Variants in TRPM6 observed in about 807,000 individuals in gnomAD.
The protein encoded by TRPM6 is transient receptor potential cation channel subfamily M member 6.
A neutral mutation model predicts 247.6 loss-of-function variants in TRPM6; 111 were observed. That is an observed-to-expected ratio of 0.45 (90% CI 0.38 to 0.52). The LOEUF is 0.52. Ranked by LOEUF, TRPM6 falls within the 20% of genes least tolerant of loss-of-function variation. The probability of loss-of-function intolerance (pLI) is 0.00; values close to 1 mark genes in which losing one functional copy is unlikely to be tolerated. For missense variants in TRPM6, 2,126 were observed against 2,421.5 expected (o/e 0.88, Z 2.56); for synonymous variants, 892 against 853.8 (o/e 1.04, Z -0.78).
intron 3 of TRPM6, among the ~76,000 whole-genome samples, chr9:74,850,090 G>A (rs1273792712): frequency 1.3e-5 from 2 of 152,226 alleles, no homozygotes; most frequent in African/African-American, 2.4e-5. Flanking sequence ...ACTAGAACAG[G>A]GCTGGGCGCA....
At chr9:74,729,878 C>T (rs532154388) in intron 37 of TRPM6, among the ~76,000 whole-genome samples, 2 of 152,266 alleles carry the variant, frequency 1.3e-5, no homozygotes, top group African/African-American at 4.8e-5. Flanking sequence ...AACATAAAAA[C>T]CCCCAACTTA....
intron 31 of TRPM6, among the ~76,000 whole-genome samples, chr9:74,747,523 C>T (rs1826090702): frequency 1.3e-5 from 2 of 152,136 alleles, no homozygotes; most frequent in Admixed American, 1.3e-4. Flanking sequence ...TACTAAAACC[C>T]TACAGGAAAA....
chr9:74,729,507 C>A (rs1422460051), intron 37 of TRPM6, among the ~76,000 whole-genome samples: 8 of 152,170 alleles, frequency 5.3e-5, no homozygotes, highest in Non-Finnish European at 1.0e-4. Context: ...TGGAGGAAAT[C>A]TCTTGGGAAG....
chr9:74,831,359 G>A (rs540782943), intron 6 of TRPM6, among the ~76,000 whole-genome samples: 6 of 152,184 alleles, frequency 3.9e-5, no homozygotes, highest in East Asian at 1.9e-4. Context: ...GTGTGGTAGC[G>A]GGTGCCTGTT....
rs1347240649 is a variant in TRPM6 at position 74,762,210 on chromosome 9, A to G, written c.4461T>C (p.Ser1487=). The G allele has an allele frequency of 2.5e-6, 4 of 1,614,020 alleles. No homozygotes were observed. The highest frequency in any genetic ancestry group is 3.4e-6 in the Non-Finnish European group (4 of 1,180,000). Residue 1487 remains serine, a synonymous_variant, in exon 26 of 39, where the codon AGT becomes AGC. Transcript: ENST00000360774. ...CCTGGGCCTGCTTCTGGTGCTGTTC[A>G]CTCCGAGAGGAATCACTGTCACAAG... ...PSTCDSDSSR[S]EQHQKQAQDS... is the part of the protein sequence containing the mutation.
intron 7 of TRPM6, among the ~76,000 whole-genome samples, chr9:74,826,530 C>T (rs144430443): frequency 7.2e-5 from 11 of 152,194 alleles, no homozygotes; most frequent in Non-Finnish European, 1.0e-4. Flanking sequence ...AACCAAAAGT[C>T]TACAGTTTTC....
chr9:74,814,749 G>A (rs1185580078), intron 11 of TRPM6, among the ~76,000 whole-genome samples: 2 of 152,062 alleles, frequency 1.3e-5, no homozygotes, highest in Non-Finnish European at 2.9e-5. Flanking sequence ...CTAGGAGTTC[G>A]ACCAGCCTAG....
Position 74,801,275 on chromosome 9 carries a change from T to TTTTTTA in TRPM6, c.2009+622_2009+623insTAAAAA, listed in dbSNP as rs1491404272. 2.0e-3 allele frequency among the ~76,000 whole-genome samples: 155 copies of TTTTTTA among 75,840 alleles called. 2 individuals are homozygous for TTTTTTA. The highest frequency in any genetic ancestry group is 9.5e-3 in the African/African-American group (151 of 15,842). 49.8% of individuals were successfully genotyped at this position (75,840 alleles called of 152,430 possible). A position where few individuals can be genotyped will look rare whatever the true frequency, so the allele number is the denominator to read the frequency against. The stretch of plus-strand genomic sequence containing the variant: ...TTTTTTTTTTTTTTTTTTTTTTTTT[T>TTTTTTA]ATTGACGGAGTCTCACTCTGTCGCC... On this transcript the variant is annotated intron_variant, in intron 16 of 38. Transcript: ENST00000360774.
intron 16 of TRPM6, among the ~76,000 whole-genome samples, chr9:74,800,845 C>T (rs1420534603): frequency 6.7e-6 from 1 of 150,120 alleles, no homozygotes; most frequent in African/African-American, 2.5e-5. Flanking sequence ...GGGACTTATA[C>T]ATAGGCTTAT....
At chr9:74,855,423 A>T in intron 3 of TRPM6, 104 bp downstream of exon 3, 1 of 843,804 alleles carries the variant, frequency 1.2e-6, no homozygotes. Flanking sequence ...GGTAAATGGC[A>T]TGCACCATTT....
At chr9:74,791,508 A>G (rs375560414) in intron 19 of TRPM6, among the ~76,000 whole-genome samples, 1 of 152,232 alleles carries the variant, frequency 6.6e-6, no homozygotes, top group African/African-American at 2.4e-5. Context: ...ATATTTAAAA[A>G]AAAAGAAAAG....
At chr9:74,835,049 A>G (rs1225811444) in intron 5 of TRPM6, among the ~76,000 whole-genome samples, 1 of 152,026 alleles carries the variant, frequency 6.6e-6, no homozygotes, top group Non-Finnish European at 1.5e-5. Flanking sequence ...TTACACTCCC[A>G]CCAACAGTGT....
At chr9:74,854,304 T>G (rs2118328170) in intron 3 of TRPM6, among the ~76,000 whole-genome samples, 1 of 152,318 alleles carries the variant, frequency 6.6e-6, no homozygotes, top group East Asian at 1.9e-4. Flanking sequence ...GGGTTGAGAT[T>G]TTGGAGGACA....
At chr9:74,875,521 C>A (rs920306466) in intron 1 of TRPM6, among the ~76,000 whole-genome samples, 1 of 151,810 alleles carries the variant, frequency 6.6e-6, no homozygotes. Context: ...CCAGCCTGGG[C>A]GACAGAGCTT....
intron 3 of TRPM6, among the ~76,000 whole-genome samples, chr9:74,845,832 A>C (rs1830091744): frequency 6.6e-6 from 1 of 152,216 alleles, no homozygotes; most frequent in East Asian, 1.9e-4. Flanking sequence ...GTCTCAAAAC[A>C]AAACGAAAAG....
intron 3 of TRPM6, among the ~76,000 whole-genome samples, chr9:74,854,032 A>G (rs1158985538): frequency 6.6e-6 from 1 of 152,222 alleles, no homozygotes; most frequent in Non-Finnish European, 1.5e-5. Flanking sequence ...AAGTAGATCA[A>G]AATACTGAAA....
At chr9:74,884,618 T>C (rs1199516239) in intron 1 of TRPM6, among the ~76,000 whole-genome samples, 4 of 151,996 alleles carry the variant, frequency 2.6e-5, no homozygotes, top group Admixed American at 6.6e-5. Context: ...GGGGGAGTAG[T>C]TGAGGGGTAG....
chr9:74,810,978 C>A, intron 12 of TRPM6, 110 bp from the exon 13 acceptor site: 1 of 855,344 alleles, frequency 1.2e-6, no homozygotes, highest in Non-Finnish European at 1.9e-6. Context: ...AAATTGTGTT[C>A]AATATTTTTA....
At chr9:74,788,776 T>C in intron 19 of TRPM6, 34 bp from the exon 20 acceptor site, 1 of 1,611,350 alleles carries the variant, frequency 6.2e-7, no homozygotes, top group Non-Finnish European at 8.5e-7. Flanking sequence ...CAGATGTGAG[T>C]GAGAGCAAGC....
Sources: allele counts gnomAD v4.1 joint callset (sites outside exome capture counted in the v4.1 genomes callset), GRCh38; gene constraint gnomAD v4.1.1; transcripts MANE v1.5; gene names NCBI Gene and HGNC (gene_info 2026-07-23, HGNC 2026-07-21).